The following RMND1 variants were observed in gnomAD, a reference collection of about 807,000 sequenced individuals.
The protein encoded by RMND1 is required for meiotic nuclear division 1 homolog.
A neutral mutation model predicts 54.0 loss-of-function variants in RMND1; 41 were observed. That is an observed-to-expected ratio of 0.76 (90% CI 0.59 to 0.98). RMND1 has a LOEUF of 0.98. RMND1 is among the 50% of genes least tolerant of loss of function. The pLI is 0.00. For synonymous variants in RMND1, 183 were observed against 181.7 expected, an observed-to-expected ratio of 1.01 and a Z score of -0.06; for missense variants, 457 against 532.0, an observed-to-expected ratio of 0.86 and a Z score of 1.39.
intron 3 of RMND1, among the ~76,000 whole-genome samples, chr6:151,435,831 G>A (rs1226301165): frequency 5.9e-5 from 9 of 151,278 alleles, no homozygotes; most frequent in Non-Finnish European, 1.3e-4. Flanking sequence ...CGGGCTGGGT[G>A]TGGTGGCTCA....
intron 2 of RMND1, among the ~76,000 whole-genome samples, chr6:151,442,855 G>GT (rs1272732229): frequency 1.3e-5 from 2 of 152,090 alleles, no homozygotes; most frequent in Non-Finnish European, 2.9e-5. Context: ...TTTAGGAATT[G>GT]TAAGCCAAAG....
chr6:151,437,031 T>C (rs1780635198), intron 2 of RMND1, among the ~76,000 whole-genome samples: 1 of 152,248 alleles, frequency 6.6e-6, no homozygotes. Flanking sequence ...ACAGTATTTT[T>C]ACACTGGTTA....
intron 1 of RMND1, among the ~76,000 whole-genome samples, chr6:151,448,230 GT>G: frequency 6.6e-6 from 1 of 152,138 alleles, no homozygotes; most frequent in Non-Finnish European, 1.5e-5. Context: ...CCTCATCTCA[GT>G]TTCATCCATT....
chr6:151,426,815 G>A (rs1392269510), intron 6 of RMND1, among the ~76,000 whole-genome samples: 1 of 151,836 alleles, frequency 6.6e-6, no homozygotes, highest in Non-Finnish European at 1.5e-5. Context: ...TGTCACCCTG[G>A]CTGGAGTGCA....
At chr6:151,434,492 C>A (rs932917681) in intron 3 of RMND1, among the ~76,000 whole-genome samples, 1 of 151,370 alleles carries the variant, frequency 6.6e-6, no homozygotes, top group Non-Finnish European at 1.5e-5. Context: ...AAAATAAAAT[C>A]GACTGAAACA....
At chr6:151,416,603 T>C (rs1052462095) in intron 10 of RMND1, 1 of 152,156 alleles carries the variant, frequency 6.6e-6, no homozygotes, top group Non-Finnish European at 1.5e-5. Flanking sequence ...TTTGTATTTT[T>C]AGTAGAGACA....
At chr6:151,450,776 A>G (rs933619188) in intron 1 of RMND1, among the ~76,000 whole-genome samples, 11 of 152,004 alleles carry the variant, frequency 7.2e-5, no homozygotes, top group Non-Finnish European at 1.3e-4. Flanking sequence ...AAAGGGGGGG[A>G]AAAGATTGAG....
chr6:151,412,509 T>C (rs938416978), intron 10 of RMND1, among the ~76,000 whole-genome samples: 6 of 152,252 alleles, frequency 3.9e-5, no homozygotes, highest in South Asian at 2.1e-4. Flanking sequence ...TGTGATTAGG[T>C]TGCAAAAGAC....
intron 10 of RMND1, among the ~76,000 whole-genome samples, chr6:151,410,999 AC>A (rs1285613416): frequency 6.6e-6 from 1 of 152,104 alleles, no homozygotes; most frequent in Non-Finnish European, 1.5e-5. Flanking sequence ...TCACTCTGTC[AC>A]CCAGGCTGGA....
intron 2 of RMND1, among the ~76,000 whole-genome samples, chr6:151,443,296 C>T (rs1042383813): frequency 1.3e-5 from 2 of 152,072 alleles, no homozygotes; most frequent in African/African-American, 2.4e-5. Flanking sequence ...TTATCTCAGA[C>T]CACTTTAGAA....
chr6:151,425,894 A>G (rs1780281617), intron 6 of RMND1, among the ~76,000 whole-genome samples: 1 of 151,464 alleles, frequency 6.6e-6, no homozygotes, highest in Non-Finnish European at 1.5e-5. Context: ...TGGTCTTTCT[A>G]TAGCTAGTCT....
chr6:151,433,869 CTG>C (rs71882413), intron 3 of RMND1, among the ~76,000 whole-genome samples: 38,167 of 147,546 alleles, frequency 0.26, 5,288 homozygotes, highest in East Asian at 0.39. Context: ...GGGTCTTGCT[CTG>C]TCTCCCAGGC....
At chr6:151,436,114 A>AC (rs1203173966) in intron 3 of RMND1, 50 of 138,854 alleles carry the variant, frequency 3.6e-4, no homozygotes, top group East Asian at 1.8e-3. Flanking sequence ...CCAAAAAACA[A>AC]AAAAAAAAAA....
chr6:151,447,395 C>T (rs1465408362), intron 1 of RMND1, among the ~76,000 whole-genome samples: 4 of 152,174 alleles, frequency 2.6e-5, no homozygotes, highest in Non-Finnish European at 5.9e-5. Context: ...GCGCTTTCTA[C>T]ATGCTAAGTG....
At chr6:151,433,415 C>T (rs894562291) in intron 3 of RMND1, among the ~76,000 whole-genome samples, 185 bp from the exon 4 acceptor site, 3 of 151,970 alleles carry the variant, frequency 2.0e-5, no homozygotes, top group African/African-American at 4.8e-5. Flanking sequence ...AATGCAAATA[C>T]GACCACCAAA....
intron 2 of RMND1, among the ~76,000 whole-genome samples, chr6:151,437,132 G>A (rs186689664): frequency 2.0e-5 from 3 of 152,294 alleles, no homozygotes; most frequent in Admixed American, 2.0e-4. Flanking sequence ...GCACACATGA[G>A]GAAAGTCATC....
intron 2 of RMND1, among the ~76,000 whole-genome samples, chr6:151,444,071 T>C (rs1481255977): frequency 6.6e-6 from 1 of 152,220 alleles, no homozygotes; most frequent in Non-Finnish European, 1.5e-5. Flanking sequence ...AGATACGGTA[T>C]TTAGGAAAAT....
At chr6:151,445,125 T>C (rs1305545694) in intron 2 of RMND1, 183 bp downstream of exon 2, 43 of 575,814 alleles carry the variant, frequency 7.5e-5, no homozygotes, top group Admixed American at 3.4e-5. Flanking sequence ...TATGTATCAT[T>C]AATTGTTAAA....
chr6:151,450,221 C>T (rs1251396381), intron 1 of RMND1, among the ~76,000 whole-genome samples: 1 of 151,290 alleles, frequency 6.6e-6, no homozygotes, highest in Non-Finnish European at 1.5e-5. Flanking sequence ...TCTGCCCGGC[C>T]GCCCATCGTC....
Sources: gnomAD v4.1 joint callset for allele counts (sites outside exome capture counted in the v4.1 genomes callset) on GRCh38, gnomAD v4.1.1 for gene constraint, MANE v1.5 for transcripts, NCBI Gene and HGNC (gene_info 2026-07-23, HGNC 2026-07-21) for gene names.